RBM6: variants seen among roughly 807,000 people sequenced by gnomAD.
RBM6 encodes the protein RNA-binding protein 6.
Under a neutral mutation model 140.4 loss-of-function variants are expected in RBM6, and 23 were observed. The ratio of observed to expected loss-of-function variants is 0.16; its 90% CI spans 0.12 to 0.23. The LOEUF is 0.23. Ranked by LOEUF, RBM6 falls within the 10% of genes least tolerant of loss-of-function variation. The pLI is 1.00. For missense variants in RBM6, 1,139 were observed against 1,386.7 expected (o/e 0.82, Z 2.84); for synonymous variants, 439 against 475.6 (o/e 0.92, Z 1.00).
At chr3:49,970,220 C>T (rs1010439812) in intron 3 of RBM6, among the ~76,000 whole-genome samples, 47 of 152,044 alleles carry the variant, frequency 3.1e-4, no homozygotes, top group African/African-American at 4.8e-5. Flanking sequence ...GGATTTCAGG[C>T]ATGCACCACC....
At chr3:49,973,870 G>A (rs2084925416) in intron 4 of RBM6, among the ~76,000 whole-genome samples, 1 of 148,730 alleles carries the variant, frequency 6.7e-6, no homozygotes, top group South Asian at 2.1e-4. Flanking sequence ...ACACGCATGA[G>A]CCACCGCGCC....
chr3:50,023,900 A>G (rs1165089014), intron 6 of RBM6, among the ~76,000 whole-genome samples: 1 of 152,054 alleles, frequency 6.6e-6, no homozygotes, highest in East Asian at 1.9e-4. Flanking sequence ...CACCCATCTC[A>G]GCCTCCCAAA....
At chr3:49,961,243 A>C (rs1369911922) in intron 1 of RBM6, among the ~76,000 whole-genome samples, 1 of 151,880 alleles carries the variant, frequency 6.6e-6, no homozygotes, top group Non-Finnish European at 1.5e-5. Context: ...ACACCTGGCT[A>C]ATTTTTGTAT....
chr3:50,071,957 G>C (rs548606944), intron 19 of RBM6, among the ~76,000 whole-genome samples: 1 of 151,518 alleles, frequency 6.6e-6, no homozygotes, highest in Non-Finnish European at 1.5e-5. Context: ...TGTGGCAGGC[G>C]CCTGTAATCC....
At chr3:50,033,198 CAG>C (rs1201486359) in intron 6 of RBM6, among the ~76,000 whole-genome samples, 6 of 149,254 alleles carry the variant, frequency 4.0e-5, no homozygotes, top group Admixed American at 2.0e-4. Context: ...TCAGGAGGCT[CAG>C]ACAGGAGAAG....
rs540409892 is a variant in RBM6, at chr3:49,974,635, G to A, written c.1414-688G>A. Among the ~76,000 whole-genome samples the A allele has an allele frequency of 3.5e-5, 5 of 142,446 alleles. No individual in the cohort carries two copies. In the South Asian group the frequency reaches 1.1e-3, roughly 32 times the overall value. The allele number at this position is 142,446 out of a possible 152,430, so 93.5% of individuals were successfully genotyped here. A position where few individuals can be genotyped will look rare whatever the true frequency, so the allele number is the denominator to read the frequency against. On this transcript the variant is annotated intron_variant, in intron 4 of 20. Coordinates refer to ENST00000266022, the MANE Select transcript of RBM6 (RefSeq NM_005777.3). The stretch of plus-strand genomic sequence containing the variant: ...GATCTGCCCACCTCGGCCTCCCAAA[G>A]TGCTGGGATTACAGGCGTGAGCCAC...
chr3:49,952,739 C>A (rs1435817769), intron 1 of RBM6, among the ~76,000 whole-genome samples: 1 of 152,094 alleles, frequency 6.6e-6, no homozygotes, highest in Non-Finnish European at 1.5e-5. Flanking sequence ...CTCAGGTGAT[C>A]CACCTGCCTT....
intron 7 of RBM6, chr3:50,054,064 A>C (rs188016048): frequency 8.3e-6 from 3 of 361,250 alleles, no homozygotes; most frequent in East Asian, 9.3e-5. Flanking sequence ...TTTTCTAGGC[A>C]TATTTCCTAT....
chr3:50,043,446 G>A (rs1293852100), intron 6 of RBM6, among the ~76,000 whole-genome samples: 2 of 148,276 alleles, frequency 1.3e-5, no homozygotes, highest in Non-Finnish European at 3.0e-5. Flanking sequence ...TCATGCCACT[G>A]CATGCCACTC....
At position 49,987,225 on chromosome 3, in the gene RBM6, C is replaced by T. The variant is rs148021690; in HGVS notation, c.1483+11833C>T. ...GTAGCCTCCCAAAGTGCTGGGATTA[C>T]AGGCATGAGCCACCATGCCAGGCCT... On this transcript the variant is annotated intron_variant, in intron 5 of 20. Coordinates refer to ENST00000266022, the MANE Select transcript of RBM6 (RefSeq NM_005777.3). Among the ~76,000 whole-genome samples the T allele has an allele frequency of 6.6e-4, 100 of 152,006 alleles. 1 individual carries two copies. The highest frequency in any genetic ancestry group is 3.4e-3 in the Middle Eastern group (1 of 292).
chr3:50,021,721 A>G (rs997287642), intron 6 of RBM6, among the ~76,000 whole-genome samples: 3 of 137,488 alleles, frequency 2.2e-5, no homozygotes, highest in Non-Finnish European at 4.6e-5. Context: ...ATTCATCTCC[A>G]TACTGAGGAA....
At chr3:49,961,083 A>C (rs1340430052) in intron 1 of RBM6, among the ~76,000 whole-genome samples, 2 of 151,662 alleles carry the variant, frequency 1.3e-5, no homozygotes, top group Non-Finnish European at 2.9e-5. Flanking sequence ...TAATTTTTGT[A>C]TATATATTTT....
At position 49,968,732 on chromosome 3, in the gene RBM6, C is replaced by T. The variant is rs1250572085; in HGVS notation, c.1307C>T (p.Ala436Val). Reference protein sequence around the residue: ...SFPEGKTARDAQRDLQDQDYR... With the variant: ...SFPEGKTARDVQRDLQDQDYR... ...CCAGAGGGCAAAACTGCCCGAGATG[C>T]CCAACGGGACCTTCAGGTATGTTGA... The change falls in exon 3 of 21, where the codon GCC (alanine) becomes GTC (valine). Residue 436 changes from alanine to valine, a missense_variant. Coordinates refer to ENST00000266022, the MANE Select transcript of RBM6 (RefSeq NM_005777.3). 4.4e-6 allele frequency: 7 copies of T among 1,608,660 alleles called. No homozygotes were observed. The East Asian group carries it at 1.1e-4, about 26-fold the overall frequency.
chr3:50,053,298 G>A (rs773026585), intron 7 of RBM6, among the ~76,000 whole-genome samples: 4 of 152,162 alleles, frequency 2.6e-5, no homozygotes, highest in Admixed American at 6.5e-5. Context: ...TTGGGAGGCC[G>A]AGGCGGGCAG....
At chr3:50,072,274 G>A (rs1274383790) in intron 19 of RBM6, among the ~76,000 whole-genome samples, 1 of 151,574 alleles carries the variant, frequency 6.6e-6, no homozygotes, top group East Asian at 1.9e-4. Context: ...GCCAGGCGTG[G>A]TGGTGGGTAC....
intron 1 of RBM6, among the ~76,000 whole-genome samples, chr3:49,955,306 G>A (rs995414173): frequency 1.0e-4 from 15 of 148,962 alleles, no homozygotes; most frequent in Admixed American, 6.1e-4. Flanking sequence ...CAGTATTTGG[G>A]ACTACAGACA....
intron 6 of RBM6, among the ~76,000 whole-genome samples, chr3:50,011,839 C>CTT (rs201167549): frequency 1.4e-4 from 20 of 143,724 alleles, no homozygotes; most frequent in East Asian, 6.0e-4. Flanking sequence ...TCTTTTCTTT[C>CTT]TTTTTTTTTT....
chr3:50,020,378 C>A (rs2087414202), intron 6 of RBM6, among the ~76,000 whole-genome samples: 1 of 152,060 alleles, frequency 6.6e-6, no homozygotes, highest in African/African-American at 2.4e-5. Flanking sequence ...GACTTCAGCT[C>A]TAATTTTTAT....
At chr3:50,000,341 T>C (rs2086263871) in intron 6 of RBM6, among the ~76,000 whole-genome samples, 1 of 148,076 alleles carries the variant, frequency 6.8e-6, no homozygotes, top group Non-Finnish European at 1.5e-5. Flanking sequence ...ATGTGTTTTT[T>C]TTTTCTTTTT....
Sources: allele counts gnomAD v4.1 joint callset (sites outside exome capture counted in the v4.1 genomes callset), GRCh38; gene constraint gnomAD v4.1.1; transcripts MANE v1.5; gene names NCBI Gene and HGNC (gene_info 2026-07-23, HGNC 2026-07-21).